The following PDE11A variants were observed in gnomAD, a reference collection of about 807,000 sequenced individuals.
The protein encoded by PDE11A is dual 3',5'-cyclic-AMP and -GMP phosphodiesterase 11A.
Under a neutral mutation model 100.5 loss-of-function variants are expected in PDE11A, and 100 were observed. That is an observed-to-expected ratio of 1.00 (90% CI 0.85 to 1.18). PDE11A has a LOEUF of 1.18. PDE11A is among the 50% of genes most tolerant of loss of function. The pLI is 0.00. For missense variants in PDE11A, 1,141 were observed against 1,152.6 expected, an observed-to-expected ratio of 0.99 and a Z score of 0.15; for synonymous variants, 381 against 420.8, an observed-to-expected ratio of 0.91 and a Z score of 1.16.
intron 12 of PDE11A, among the ~76,000 whole-genome samples, chr2:177,720,077 C>T (rs1298359390): frequency 1.3e-5 from 2 of 149,492 alleles, no homozygotes; most frequent in Non-Finnish European, 3.0e-5. Context: ...ATTGTTAGGG[C>T]AATGTTAGGG....
chr2:177,853,710 G>T (rs10209852), intron 5 of PDE11A, among the ~76,000 whole-genome samples: 3,956 of 37,162 alleles, frequency 0.11, 188 homozygotes, highest in African/African-American at 0.15. Context: ...GTGTGTGTGT[G>T]TGTTTGTGTG....
At chr2:178,038,324 GC>G (rs1351847238) in intron 1 of PDE11A, among the ~76,000 whole-genome samples, 6 of 146,044 alleles carry the variant, frequency 4.1e-5, no homozygotes, top group Admixed American at 1.4e-4. Flanking sequence ...ACACTGATCT[GC>G]TTCCTGTCAC....
Position 177,682,814 on chromosome 2 carries a change from G to A in PDE11A, c.2346-1911C>T, listed in dbSNP as rs899863980. On this transcript the variant is annotated intron_variant, in intron 15 of 19. Coordinates refer to ENST00000286063, the MANE Select transcript of PDE11A (RefSeq NM_016953.4). ...CTATATTAGCCTTTGAAGTCTCTGAGAAATATGGACGTAGAAAAGCCTGTT... is the reference window on the plus strand; with the variant it reads ...CTATATTAGCCTTTGAAGTCTCTGAAAAATATGGACGTAGAAAAGCCTGTT... 1.7e-4 allele frequency among the ~76,000 whole-genome samples: 26 copies of A among 152,298 alleles called. 1 individual carries two copies. The highest frequency in any genetic ancestry group is 6.3e-4 in the African/African-American group (26 of 41,554).
chr2:177,939,514 G>GGGAAGGGAGGGAGGGAGGAAGGAAGGAA (rs2085319341), intron 2 of PDE11A, among the ~76,000 whole-genome samples: 1 of 99,854 alleles, frequency 1.0e-5, no homozygotes, highest in African/African-American at 3.9e-5. Flanking sequence ...GAGGGAGGGA[G>GGGAAGGGAGGGAGGGAGGAAGGAAGGAA]GGAAGGGAGG....
At chr2:177,965,144 C>A (rs1483581465) in intron 2 of PDE11A, among the ~76,000 whole-genome samples, 1 of 151,996 alleles carries the variant, frequency 6.6e-6, no homozygotes, top group African/African-American at 2.4e-5. Context: ...TTTTCACATG[C>A]TTGCTGGCCG....
At chr2:177,727,920 G>T in intron 11 of PDE11A, 106 bp downstream of exon 11, 2 of 1,075,414 alleles carry the variant, frequency 1.9e-6, no homozygotes, top group Non-Finnish European at 2.9e-6. Context: ...AGGTGTGCAG[G>T]GCAGGGATTA....
At chr2:177,867,964 C>A (rs2084058239) in intron 5 of PDE11A, among the ~76,000 whole-genome samples, 1 of 152,142 alleles carries the variant, frequency 6.6e-6, no homozygotes, top group African/African-American at 2.4e-5. Context: ...GTTTGCCTCA[C>A]TAGAGCTACG....
intron 1 of PDE11A, among the ~76,000 whole-genome samples, chr2:178,106,140 C>T (rs1438548506): frequency 6.6e-6 from 1 of 152,160 alleles, no homozygotes; most frequent in East Asian, 1.9e-4. Context: ...GTTTAACATA[C>T]TGTGGTTAAA....
intron 15 of PDE11A, among the ~76,000 whole-genome samples, chr2:177,695,199 C>T (rs961247591): frequency 4.0e-5 from 6 of 151,854 alleles, no homozygotes; most frequent in African/African-American, 1.5e-4. Context: ...TTTATTGATA[C>T]ATAATATTTA....
At chr2:177,851,928 G>A (rs1166434814) in intron 5 of PDE11A, among the ~76,000 whole-genome samples, 1 of 151,926 alleles carries the variant, frequency 6.6e-6, no homozygotes, top group Non-Finnish European at 1.5e-5. Context: ...AGGCCCCAGT[G>A]TGCACTGTTC....
chr2:177,729,501 T>C (rs10178433), intron 10 of PDE11A, among the ~76,000 whole-genome samples: 17,989 of 152,126 alleles, frequency 0.12, 2,666 homozygotes, highest in African/African-American at 0.35. Context: ...GTGAGACACA[T>C]CCTCTAACAG....
At chr2:177,739,196 C>A (rs995610889) in intron 10 of PDE11A, among the ~76,000 whole-genome samples, 2 of 152,156 alleles carry the variant, frequency 1.3e-5, no homozygotes, top group African/African-American at 4.8e-5. Context: ...TCAAAATTAA[C>A]CTGATCTTGC....
chr2:177,908,232 G>A (rs541432687), intron 2 of PDE11A, among the ~76,000 whole-genome samples: 1 of 152,218 alleles, frequency 6.6e-6, no homozygotes, highest in Non-Finnish European at 1.5e-5. Context: ...CATTATTCCA[G>A]TGTATGAGCA....
chr2:177,666,531 C>T (rs911879744), intron 18 of PDE11A, among the ~76,000 whole-genome samples: 1 of 152,156 alleles, frequency 6.6e-6, no homozygotes, highest in African/African-American at 2.4e-5. Context: ...TATGAGCTTC[C>T]AATTTTTCCA....
At chr2:178,014,930 A>G (rs1431153850) in intron 1 of PDE11A, among the ~76,000 whole-genome samples, 1 of 152,136 alleles carries the variant, frequency 6.6e-6, no homozygotes, top group Admixed American at 6.5e-5. Context: ...TCCCAAAAAG[A>G]TGTGGGGTAT....
intron 16 of PDE11A, among the ~76,000 whole-genome samples, chr2:177,678,718 T>C (rs2080816032): frequency 6.6e-6 from 1 of 152,158 alleles, no homozygotes; most frequent in Non-Finnish European, 1.5e-5. Context: ...AGCACCTCCA[T>C]TTTATGTAAC....
At chr2:177,816,645 C>T (rs1029152441) in intron 9 of PDE11A, among the ~76,000 whole-genome samples, 184 bp downstream of exon 9, 8 of 151,936 alleles carry the variant, frequency 5.3e-5, no homozygotes, top group African/African-American at 1.9e-4. Flanking sequence ...ATCTGTGAAC[C>T]CCTGAAATCA....
intron 15 of PDE11A, chr2:177,687,721 G>A (rs2080975122): frequency 6.6e-6 from 1 of 151,986 alleles, no homozygotes; most frequent in Non-Finnish European, 1.5e-5. Context: ...TAAAATTGCT[G>A]GGTCATAGAA....
chr2:178,008,282 T>C (rs2086235973), intron 2 of PDE11A, among the ~76,000 whole-genome samples: 1 of 152,188 alleles, frequency 6.6e-6, no homozygotes. Context: ...CTGTGGAAAC[T>C]ATTCATAAGA....
Sources: allele counts gnomAD v4.1 joint callset (sites outside exome capture counted in the v4.1 genomes callset), GRCh38; gene constraint gnomAD v4.1.1; transcripts MANE v1.5; gene names NCBI Gene and HGNC (gene_info 2026-07-23, HGNC 2026-07-21).